The following KCNT1 variants were observed in gnomAD, a reference collection of about 807,000 sequenced individuals.
KCNT1 encodes the protein potassium channel subfamily T member 1.
KCNT1 carries 78 observed loss-of-function variants against 147.8 expected under a neutral mutation model. The ratio of observed to expected loss-of-function variants is 0.53; its 90% CI spans 0.44 to 0.64. The LOEUF is 0.64. KCNT1 is among the 30% of genes least tolerant of loss of function. KCNT1 has a pLI of 0.00. For synonymous variants in KCNT1, 867 were observed against 748.8 expected (o/e 1.16, Z -2.58); for missense variants, 1,419 against 1,750.3 (o/e 0.81, Z 3.38).
chr9:135,712,452 C>T (rs533953713), intron 1 of KCNT1, among the ~76,000 whole-genome samples: 2 of 152,128 alleles, frequency 1.3e-5, no homozygotes, highest in Non-Finnish European at 2.9e-5. Context: ...GTGCAGAATT[C>T]GAGGTGGGCC....
Position 135,755,144 on chromosome 9 carries a change from G to A in KCNT1, c.515G>A (p.Arg172Lys). Residue 172 changes from arginine (R) to lysine (K), a missense_variant, in exon 6 of 31, where the codon AGA becomes AAA. Arg to Lys is a conservative substitution (Grantham distance 26, BLOSUM62 2). Coordinates refer to ENST00000371757, the MANE Select transcript of KCNT1 (RefSeq NM_020822.3). Reference sequence around the variant, plus strand: ...AGGGCTCCTATTCTGTGGGTGGAGAGAAAGATGACACTGTGGGCGATCCAG... The same window carrying A: ...AGGGCTCCTATTCTGTGGGTGGAGAAAAAGATGACACTGTGGGCGATCCAG... ...INWAPILWVE[R>K]KMTLWAIQVI... 1 of 1,612,456 alleles carries A rather than the reference G, an allele frequency of 6.2e-7. No individual in the cohort carries two copies. Among genetic ancestry groups the A allele is most frequent in the Non-Finnish European group, 8.5e-7 (1 of 1,179,112 alleles).
At chr9:135,785,852 A>G in intron 28 of KCNT1, 1 of 446,336 alleles carries the variant, frequency 2.2e-6, no homozygotes, top group Non-Finnish European at 4.0e-6. Flanking sequence ...CAAGGCCAGG[A>G]TGTGCTGGGG....
rs565565274 is a variant in KCNT1, at chr9:135,742,943, C to T, written c.255-7155C>T. 360 of 657,502 alleles carry T rather than the reference C, an allele frequency of 5.5e-4. 8 individuals carry two copies. In the South Asian group the frequency reaches 5.9e-3, roughly 11 times the overall value. The allele number at this position is 657,502 out of a possible 1,614,324, so 40.7% of individuals were successfully genotyped here. ...AGCTGGGCCAGGGCCACCGGCACCT[C>T]CCAGTACCCGCTGGTGCCTCTGGGT... On this transcript the variant is annotated intron_variant, in intron 2 of 30. Transcript: ENST00000371757.
intron 2 of KCNT1, among the ~76,000 whole-genome samples, chr9:135,737,841 C>T (rs1000005694): frequency 4.6e-5 from 7 of 152,204 alleles, no homozygotes; most frequent in Non-Finnish European, 1.0e-4. Context: ...CACTGCCCAG[C>T]TTAGTCCCAT....
At chr9:135,728,358 C>G (rs1040938187) in intron 2 of KCNT1, among the ~76,000 whole-genome samples, 1 of 152,222 alleles carries the variant, frequency 6.6e-6, no homozygotes, top group Non-Finnish European at 1.5e-5. Context: ...GGGAGAACAT[C>G]GGGGCAGATT....
chr9:135,727,754 G>A (rs1385302783), intron 2 of KCNT1, among the ~76,000 whole-genome samples: 1 of 152,370 alleles, frequency 6.6e-6, no homozygotes, highest in Non-Finnish European at 1.5e-5. Context: ...TCCGGACAGA[G>A]GTGGGGCCCA....
At chr9:135,723,633 G>T (rs762800186) in intron 2 of KCNT1, among the ~76,000 whole-genome samples, 3 of 152,232 alleles carry the variant, frequency 2.0e-5, no homozygotes, top group Non-Finnish European at 4.4e-5. Context: ...GGCTTGGGGG[G>T]CCTCAGAGCC....
intron 18 of KCNT1, among the ~76,000 whole-genome samples, chr9:135,772,128 GGCT>G (rs1430362649): frequency 1.3e-5 from 2 of 152,202 alleles, no homozygotes; most frequent in Admixed American, 6.5e-5. Flanking sequence ...TGGGGAGGCA[GGCT>G]GCTGCTGCCT....
intron 24 of KCNT1, among the ~76,000 whole-genome samples, chr9:135,781,872 C>CA (rs1342673498): frequency 1.3e-5 from 2 of 152,150 alleles, no homozygotes; most frequent in African/African-American, 4.8e-5. Context: ...CGCTTGAGGC[C>CA]AGAAGTTCGA....
At chr9:135,784,655 T>C in intron 26 of KCNT1, 37 bp downstream of exon 26, 1 of 1,611,102 alleles carries the variant, frequency 6.2e-7, no homozygotes, top group Admixed American at 1.7e-5. Context: ...GGGGGCGTGC[T>C]GGGCTGTCCA....
intron 1 of KCNT1, among the ~76,000 whole-genome samples, chr9:135,704,108 G>A (rs1835150416): frequency 6.6e-6 from 1 of 152,356 alleles, no homozygotes; most frequent in Admixed American, 6.5e-5. Flanking sequence ...GAACCTTCGT[G>A]CTGCCTGGTG....
intron 2 of KCNT1, among the ~76,000 whole-genome samples, chr9:135,748,339 A>G (rs1252395149): frequency 9.8e-5 from 10 of 102,374 alleles, no homozygotes; most frequent in Admixed American, 3.2e-4. Context: ...CAGCAGCCCC[A>G]CCACGAAGGC....
At chr9:135,788,245 C>A (rs933558596) in intron 29 of KCNT1, 1 of 1,196,064 alleles carries the variant, frequency 8.4e-7, no homozygotes, top group Non-Finnish European at 1.2e-6. Flanking sequence ...TGCGCCATCC[C>A]GGCCAGGCAG....
intron 1 of KCNT1, among the ~76,000 whole-genome samples, chr9:135,708,549 T>TC (rs1406034562): frequency 3.3e-5 from 5 of 152,136 alleles, no homozygotes; most frequent in Non-Finnish European, 7.4e-5. Context: ...AGTCACAATC[T>TC]TTTTTTGTTG....
Position 135,714,659 on chromosome 9 carries a change from C to T in KCNT1, c.193C>T (p.Pro65Ser). The change falls in exon 2 of 31, where the codon CCG (proline) becomes TCG (serine). Residue 65 changes from proline (P) to serine (S), a missense_variant. Around this residue, in one of 5 missense-constraint regions of KCNT1, gnomAD observed 181 missense variants for 155.7 expected, o/e 1.16. Transcript: ENST00000371757. The surrounding 1 kb of genome is among the most constrained non-coding windows in gnomAD (Gnocchi z 6.2). Reference protein sequence around the residue: ...SDLDSEVLPLPPRYRFRDLLL... With the variant: ...SDLDSEVLPLSPRYRFRDLLL... ...CCTGGACTCCGAGGTGCTGCCCTTG[C>T]CGCCGCGCTACCGCTTCCGGGACCT... is the stretch of plus-strand genomic sequence containing the variant. The T allele has an allele frequency of 6.7e-7, 1 of 1,485,806 alleles. No individual in the cohort carries two copies. The highest frequency in any genetic ancestry group is 1.2e-5 in the South Asian group (1 of 82,656). The allele number at this position is 1,485,806 out of a possible 1,614,324, so 92.0% of individuals were successfully genotyped here. A position where few individuals can be genotyped will look rare whatever the true frequency, so the allele number is the denominator to read the frequency against.
chr9:135,752,967 A>T lies in KCNT1; in HGVS notation c.435-970A>T, dbSNP rs1426699207. Among the ~76,000 whole-genome samples, 1 of 142,940 alleles carries T rather than the reference A, an allele frequency of 7.0e-6. No individual in the cohort carries two copies. The highest frequency in any genetic ancestry group is 2.6e-5 in the African/African-American group (1 of 37,990). The allele number at this position is 142,940 out of a possible 152,430, so 93.8% of individuals were successfully genotyped here. A position where few individuals can be genotyped will look rare whatever the true frequency, so the allele number is the denominator to read the frequency against. Reference sequence around the variant, plus strand: ...AGTAGATGGATAGATGGATGAGTGGATGGATGATGAGCAGATGGTTGGAGG... The same window carrying T: ...AGTAGATGGATAGATGGATGAGTGGTTGGATGATGAGCAGATGGTTGGAGG... On this transcript the variant is annotated intron_variant, in intron 4 of 30. Transcript: ENST00000371757. This position sits in a 1 kb window ranked among gnomAD's most constrained non-coding sequence, Gnocchi z 5.1.
chr9:135,748,893 C>T lies in KCNT1; in HGVS notation c.255-1205C>T, dbSNP rs186192953. ...AAGGCCAGGCACCGGAGGCAGCGCC[C>T]GAGGGCTAAGGCAGCCGACTGATAG... On this transcript the variant is annotated intron_variant, in intron 2 of 30. Transcript: ENST00000371757. Among the ~76,000 whole-genome samples the T allele has an allele frequency of 3.7e-3, 558 of 152,300 alleles. 1 individual carries two copies. Among genetic ancestry groups the T allele is most frequent in the African/African-American group, 0.013 (531 of 41,564 alleles).
At chr9:135,707,848 G>A (rs777317359) in intron 1 of KCNT1, among the ~76,000 whole-genome samples, 17 of 152,294 alleles carry the variant, frequency 1.1e-4, no homozygotes, top group Admixed American at 3.3e-4. Flanking sequence ...TAAATCTACA[G>A]CTTGATTTCG....
chr9:135,759,410 G>A (rs1831748071), intron 10 of KCNT1, among the ~76,000 whole-genome samples: 1 of 152,222 alleles, frequency 6.6e-6, no homozygotes, highest in South Asian at 2.1e-4. Context: ...AGGCTCCGGG[G>A]AATTCGCCGT....
Sources: allele counts gnomAD v4.1 joint callset (sites outside exome capture counted in the v4.1 genomes callset), GRCh38; gene constraint gnomAD v4.1.1; regional missense constraint gnomAD v4.1.1; non-coding constraint Gnocchi (gnomAD v3.1); transcripts MANE v1.5; gene names NCBI Gene and HGNC (gene_info 2026-07-23, HGNC 2026-07-21).